PINX1: variants seen among roughly 807,000 people sequenced by gnomAD.
PINX1 encodes PIN2/TERF1-interacting telomerase inhibitor 1.
PINX1 carries 34 observed loss-of-function variants against 25.4 expected under a neutral mutation model. That is an observed-to-expected ratio of 1.34 (90% CI 1.02 to 1.78). The LOEUF (loss-of-function observed/expected upper bound fraction) is 1.78. PINX1 is among the 40% of genes most tolerant of loss of function. The pLI is 0.00. For missense variants in PINX1, 592 were observed against 404.9 expected (o/e 1.46, Z -3.97); for synonymous variants, 197 against 147.7 (o/e 1.33, Z -2.42).
chr8:10,782,431 A>T (rs201596403), intron 6 of PINX1, among the ~76,000 whole-genome samples: 199 of 149,654 alleles, frequency 1.3e-3, no homozygotes, highest in Non-Finnish European at 2.1e-3. Context: ...AAAAAAAAAA[A>T]TTTTTTTTTT....
chr8:10,837,293 C>T (rs1221126557), intron 1 of PINX1, among the ~76,000 whole-genome samples: 1 of 152,214 alleles, frequency 6.6e-6, no homozygotes, highest in Non-Finnish European at 1.5e-5. Context: ...CATATTTGCT[C>T]TCAGAACTCA....
At chr8:10,772,756 G>T (rs780940799) in intron 6 of PINX1, among the ~76,000 whole-genome samples, 1 of 152,182 alleles carries the variant, frequency 6.6e-6, no homozygotes, top group Non-Finnish European at 1.5e-5. Context: ...ATAACAGAAT[G>T]AGAATTATGC....
At chr8:10,814,970 C>T (rs1797655238) in intron 6 of PINX1, among the ~76,000 whole-genome samples, 1 of 152,140 alleles carries the variant, frequency 6.6e-6, no homozygotes, top group African/African-American at 2.4e-5. Flanking sequence ...GACAGGGTCT[C>T]ACTCTGTGAC....
At chr8:10,805,403 A>C (rs974062815) in intron 6 of PINX1, among the ~76,000 whole-genome samples, 2 of 151,174 alleles carry the variant, frequency 1.3e-5, no homozygotes, top group Admixed American at 6.6e-5. Flanking sequence ...AGACAACCAG[A>C]GTACTCGAAG....
At chr8:10,835,233 C>T (rs1240219445) in intron 1 of PINX1, among the ~76,000 whole-genome samples, 1 of 152,182 alleles carries the variant, frequency 6.6e-6, no homozygotes, top group Admixed American at 6.5e-5. Context: ...AATTATTCAA[C>T]CTGAGACCTG....
intron 6 of PINX1, among the ~76,000 whole-genome samples, chr8:10,816,853 G>A (rs1797713927): frequency 6.6e-6 from 1 of 152,114 alleles, no homozygotes; most frequent in South Asian, 2.1e-4. Context: ...AAGCCCACGT[G>A]TGCCATTTTG....
chr8:10,834,188 G>A (rs1798321186), intron 2 of PINX1, among the ~76,000 whole-genome samples: 1 of 152,218 alleles, frequency 6.6e-6, no homozygotes. Context: ...GGCAAGTGAG[G>A]TGAAAAGAAG....
At chr8:10,778,268 A>C (rs964145452) in intron 6 of PINX1, among the ~76,000 whole-genome samples, 1 of 152,146 alleles carries the variant, frequency 6.6e-6, no homozygotes, top group Non-Finnish European at 1.5e-5. Flanking sequence ...TTAGGACCAG[A>C]AGAGTTTCCG....
At chr8:10,808,796 A>C (rs1055215437) in intron 6 of PINX1, among the ~76,000 whole-genome samples, 1 of 152,248 alleles carries the variant, frequency 6.6e-6, no homozygotes, top group Non-Finnish European at 1.5e-5. Flanking sequence ...CCTATCTGAC[A>C]TGAATAAGTA....
In PINX1 at chr8:10,773,328, A is replaced by G. The variant is rs547730991; in HGVS notation, c.472-7412T>C. ...CAACGACAGAATGCCTACCTTTCTGAACTGTGTCAGCAAGCAGCAGAGAGG... is the reference window on the plus strand; with the variant it reads ...CAACGACAGAATGCCTACCTTTCTGGACTGTGTCAGCAAGCAGCAGAGAGG... On this transcript the variant is annotated intron_variant, in intron 6 of 6. Coordinates refer to ENST00000314787, the MANE Select transcript of PINX1 (RefSeq NM_017884.6). 3.3e-5 allele frequency among the ~76,000 whole-genome samples: 5 copies of G among 152,350 alleles called. No individual in the cohort carries two copies. In the East Asian group the frequency reaches 9.6e-4, roughly 29 times the overall value.
chr8:10,775,999 C>T (rs1002867768), intron 6 of PINX1, among the ~76,000 whole-genome samples: 1 of 152,128 alleles, frequency 6.6e-6, no homozygotes, highest in Admixed American at 6.5e-5. Context: ...CCTGGGGATG[C>T]TAGAACTCTA....
intron 6 of PINX1, among the ~76,000 whole-genome samples, chr8:10,804,972 G>T (rs1802393409): frequency 6.6e-6 from 1 of 150,896 alleles, no homozygotes; most frequent in Admixed American, 6.6e-5. Flanking sequence ...CGCTACAAAG[G>T]GAGTTCACAC....
intron 6 of PINX1, among the ~76,000 whole-genome samples, chr8:10,795,929 G>C (rs1394518536): frequency 6.6e-6 from 1 of 151,610 alleles, no homozygotes; most frequent in African/African-American, 2.4e-5. Flanking sequence ...ACAAAGCTTT[G>C]TATGGATGAA....
chr8:10,806,752 G>A lies in PINX1; in HGVS notation c.471+13441C>T, dbSNP rs144015456. ...CTGACCCCCAGAGGCTCTGCCGGCAGGCCCTAGGATGCAGCGGAGGGCAGG... is the reference window on the plus strand; with the variant it reads ...CTGACCCCCAGAGGCTCTGCCGGCAAGCCCTAGGATGCAGCGGAGGGCAGG... On this transcript the variant is annotated intron_variant, in intron 6 of 6. Coordinates refer to ENST00000314787, the MANE Select transcript of PINX1 (RefSeq NM_017884.6). Among the ~76,000 whole-genome samples the A allele has an allele frequency of 5.9e-3, 899 of 152,224 alleles. 11 individuals are homozygous for A. The highest frequency in any genetic ancestry group is 0.02 in the African/African-American group (837 of 41,548).
chr8:10,831,638 A>C, intron 4 of PINX1, 27 bp downstream of exon 4: 1 of 1,419,364 alleles, frequency 7.0e-7, no homozygotes, highest in Non-Finnish European at 9.9e-7. Context: ...ATTTGCATTG[A>C]GAACTTATGT....
At chr8:10,826,921 G>T (rs1374184905) in intron 4 of PINX1, among the ~76,000 whole-genome samples, 1 of 152,212 alleles carries the variant, frequency 6.6e-6, no homozygotes, top group Non-Finnish European at 1.5e-5. Flanking sequence ...CTTCACCATT[G>T]TGGTTGCTGC....
At chr8:10,781,351 C>T (rs1213710427) in intron 6 of PINX1, among the ~76,000 whole-genome samples, 1 of 152,106 alleles carries the variant, frequency 6.6e-6, no homozygotes, top group Non-Finnish European at 1.5e-5. Flanking sequence ...GTAAACAGGA[C>T]TACATCAAAC....
At chr8:10,798,599 C>T (rs565707836) in intron 6 of PINX1, among the ~76,000 whole-genome samples, 1 of 152,340 alleles carries the variant, frequency 6.6e-6, no homozygotes, top group East Asian at 1.9e-4. Flanking sequence ...AAAAGCTGCA[C>T]CGATGGCCGT....
chr8:10,801,600 A>C (rs1455201642), intron 6 of PINX1, among the ~76,000 whole-genome samples: 2 of 152,160 alleles, frequency 1.3e-5, no homozygotes, highest in African/African-American at 4.8e-5. Context: ...GAAGACCTAG[A>C]TGGTCTTTTC....
Sources: allele counts gnomAD v4.1 joint callset (sites outside exome capture counted in the v4.1 genomes callset), GRCh38; gene constraint gnomAD v4.1.1; transcripts MANE v1.5; gene names NCBI Gene and HGNC (gene_info 2026-07-23, HGNC 2026-07-21).